The following POLQ variants were observed in gnomAD, a reference collection of about 807,000 sequenced individuals.
The protein encoded by POLQ is epididymis secretory sperm binding protein.
Under a neutral mutation model 259.2 loss-of-function variants are expected in POLQ, and 233 were observed. The observed-to-expected ratio is 0.90, with a 90% CI of 0.81 to 1.00. The LOEUF is 1.00. POLQ is among the 50% of genes least tolerant of loss of function. The pLI is 0.00. For synonymous variants in POLQ, 1,025 were observed against 1,048.8 expected, an observed-to-expected ratio of 0.98 and a Z score of 0.44; for missense variants, 2,871 against 3,051.6, an observed-to-expected ratio of 0.94 and a Z score of 1.39.
chr3:121,502,774 T>C (rs1200218134), intron 12 of POLQ, among the ~76,000 whole-genome samples: 1 of 152,170 alleles, frequency 6.6e-6, no homozygotes, highest in Admixed American at 6.5e-5. Flanking sequence ...ATACTAAGTA[T>C]AACAACGTAC....
chr3:121,490,447 T>G, intron 15 of POLQ, 39 bp from the exon 16 acceptor site: 1 of 1,524,452 alleles, frequency 6.6e-7, no homozygotes, highest in Non-Finnish European at 9.1e-7. Flanking sequence ...ATGAATTCAT[T>G]CATTCGTAAG....
At chr3:121,512,853 A>T (rs907827678) in intron 9 of POLQ, among the ~76,000 whole-genome samples, 6 of 152,232 alleles carry the variant, frequency 3.9e-5, no homozygotes, top group Non-Finnish European at 8.8e-5. Flanking sequence ...GTTACCAGTT[A>T]TATGATAAAA....
At position 121,489,964 on chromosome 3, in the gene POLQ, T is replaced by C. The variant is rs1394461941; in HGVS notation, c.2967A>G (p.Arg989=). 6.3e-7 allele frequency: 1 copy of C among 1,580,842 alleles called. No homozygotes were observed. ...TATTTATATCTAAAGAGGCCCGTTT[T>C]CTTGCTCTGAAAATGGAACATGTCT... ...EHQTCSIFRA[R]KRASLDINKE... is the part of the protein sequence containing the mutation. The change falls in exon 16 of 30, where the codon AGA becomes AGG. Residue 989 remains arginine (R), a synonymous_variant. Transcript: ENST00000264233.
chr3:121,479,457 TTTTG>T (rs553952767), intron 19 of POLQ, among the ~76,000 whole-genome samples: 348 of 152,046 alleles, frequency 2.3e-3, no homozygotes, highest in Non-Finnish European at 3.8e-3. Flanking sequence ...TATATATATA[TTTTG>T]TTTGTTTGTT....
intron 15 of POLQ, among the ~76,000 whole-genome samples, chr3:121,491,728 T>C (rs534147322): frequency 6.6e-6 from 1 of 152,302 alleles, no homozygotes; most frequent in South Asian, 2.1e-4. Context: ...AATCTCTCAC[T>C]GACCTCTAAA....
rs1194551086 is a variant in POLQ at position 121,449,343 on chromosome 3, A to G, written c.7236T>C (p.Tyr2412=). The change falls in exon 26 of 30, where the codon TAT becomes TAC. Residue 2412 remains tyrosine, a synonymous_variant. Coordinates refer to ENST00000264233, the MANE Select transcript of POLQ (RefSeq NM_199420.4). ...MGIKENDAAC[Y]IDSFKSRYTG... The stretch of plus-strand genomic sequence containing the variant: ...TGTATCTGGATTTGAAGGAGTCAAT[A>G]TAGCATGCAGCATCATTTTCTTTAA... 1.9e-6 allele frequency: 3 copies of G among 1,581,938 alleles called. No homozygotes were observed. Among genetic ancestry groups the G allele is most frequent in the Admixed American group, 1.7e-5 (1 of 59,974 alleles).
intron 20 of POLQ, among the ~76,000 whole-genome samples, chr3:121,473,785 G>T (rs906044619): frequency 7.1e-5 from 10 of 140,144 alleles, no homozygotes; most frequent in Non-Finnish European, 1.4e-4. Flanking sequence ...AGAGTGTAGT[G>T]GTGTGATCAC....
rs2048143242 is a variant in POLQ, at chr3:121,498,606, T to C, written c.2024A>G (p.Lys675Arg). The C allele has an allele frequency of 1.2e-6, 2 of 1,613,982 alleles. No individual in the cohort carries two copies. Among genetic ancestry groups the C allele is most frequent in the Non-Finnish European group, 1.7e-6 (2 of 1,179,828 alleles). ...CACCCTTTTCATTGAAGTTGGCAAC[T>C]TCTCCCATAAACAGAAAAATCGATA... ...DWYRFFCLWEKLPTSMKRVAE... is the reference protein window; with the variant it reads ...DWYRFFCLWERLPTSMKRVAE... Residue 675 changes from lysine (K) to arginine (R), a missense_variant, in exon 13 of 30, where the codon AAG becomes AGG. By Grantham distance (26) the Lys-to-Arg change is conservative. This residue lies in a region of POLQ where 783 missense variants were observed against 906.2 expected (regional missense o/e 0.86). Transcript: ENST00000264233.
intron 26 of POLQ, among the ~76,000 whole-genome samples, chr3:121,447,226 A>G (rs1226375193): frequency 2.1e-5 from 3 of 145,584 alleles, no homozygotes; most frequent in Non-Finnish European, 3.0e-5. Flanking sequence ...GCTGGAGTGC[A>G]ATGGCACAGT....
In POLQ at chr3:121,526,897, G is replaced by GCA. The variant is rs1576427018; in HGVS notation, c.1108+2747_1108+2748insTG. ...TGTATGTGTGTGTGTGTGTGCGCGC[G>GCA]CGCACGCACGTGCATCTGTGGCGAC... On this transcript the variant is annotated intron_variant, in intron 7 of 29. Coordinates refer to ENST00000264233, the MANE Select transcript of POLQ (RefSeq NM_199420.4). Among the ~76,000 whole-genome samples, 4 of 152,034 alleles carry GCA rather than the reference G, an allele frequency of 2.6e-5. No individual in the cohort carries two copies. The East Asian group carries it at 7.8e-4, about 30-fold the overall frequency.
chr3:121,516,696 G>C (rs750819050), intron 9 of POLQ, among the ~76,000 whole-genome samples: 1 of 152,278 alleles, frequency 6.6e-6, no homozygotes, highest in South Asian at 2.1e-4. Flanking sequence ...AAAGACTGAA[G>C]TGTCATCTAA....
At chr3:121,498,077 G>A (rs1002653515) in intron 13 of POLQ, among the ~76,000 whole-genome samples, 2 of 152,240 alleles carry the variant, frequency 1.3e-5, no homozygotes, top group African/African-American at 4.8e-5. Flanking sequence ...TTGGGAGGCG[G>A]AGGCGGGTGG....
At chr3:121,494,481 G>A in intron 14 of POLQ, 1 of 1,479,970 alleles carries the variant, frequency 6.8e-7, no homozygotes, top group Non-Finnish European at 9.4e-7. Context: ...GCTGCTGGCA[G>A]AGGGGACGTC....
rs142321756 is a variant in POLQ at position 121,534,392 on chromosome 3, C to T, written c.741-1183G>A. 3.2e-3 allele frequency among the ~76,000 whole-genome samples: 491 copies of T among 151,814 alleles called. 8 individuals are homozygous for T. The highest frequency in any genetic ancestry group is 0.011 in the African/African-American group (453 of 41,382). On this transcript the variant is annotated intron_variant, in intron 5 of 29. Transcript: ENST00000264233. ...TCACCCAGGCTGGAGTGCAAAGGCA[C>T]GATCTTGGCTCATGGCAACCTCTAC...
chr3:121,484,962 A>G (rs2047999941), intron 17 of POLQ, 79 bp downstream of exon 17: 1 of 1,109,690 alleles, frequency 9.0e-7, no homozygotes, highest in East Asian at 2.6e-5. Flanking sequence ...TCAGGAAATT[A>G]TTCTCAAAAT....
At chr3:121,462,089 T>G (rs1387699650) in intron 24 of POLQ, among the ~76,000 whole-genome samples, 1 of 152,226 alleles carries the variant, frequency 6.6e-6, no homozygotes, top group Non-Finnish European at 1.5e-5. Context: ...AATGGATTTT[T>G]GGATTAGAAA....
intron 9 of POLQ, among the ~76,000 whole-genome samples, chr3:121,519,261 TAAG>T (rs1576424336): frequency 6.6e-6 from 1 of 151,374 alleles, no homozygotes; most frequent in South Asian, 2.1e-4. Flanking sequence ...AGCTAAGTAA[TAAG>T]AAGTCATCTT....
At chr3:121,502,075 C>T (rs2048175086) in intron 12 of POLQ, among the ~76,000 whole-genome samples, 1 of 151,124 alleles carries the variant, frequency 6.6e-6, no homozygotes, top group African/African-American at 2.4e-5. Context: ...CAATTCCAAA[C>T]CAAAAAAAGA....
At chr3:121,454,693 C>A (rs1237485347) in intron 25 of POLQ, among the ~76,000 whole-genome samples, 2 of 152,126 alleles carry the variant, frequency 1.3e-5, no homozygotes, top group African/African-American at 2.4e-5. Flanking sequence ...CTATCCTAAA[C>A]ATATATGTAC....
Sources: allele counts gnomAD v4.1 joint callset (sites outside exome capture counted in the v4.1 genomes callset), GRCh38; gene constraint gnomAD v4.1.1; regional missense constraint gnomAD v4.1.1; transcripts MANE v1.5; gene names NCBI Gene and HGNC (gene_info 2026-07-23, HGNC 2026-07-21).